Variants in RYR3 observed in about 807,000 individuals in gnomAD.
RYR3 encodes the protein ryanodine receptor 3, also known as brain ryanodine receptor-calcium release channel.
A neutral mutation model predicts 584.3 loss-of-function variants in RYR3; 207 were observed. That is an observed-to-expected ratio of 0.35 (90% CI 0.32 to 0.40). The LOEUF (loss-of-function observed/expected upper bound fraction) is 0.40, where lower values mean the gene tolerates loss of function less well. Ranked by LOEUF, RYR3 falls within the 10% of genes least tolerant of loss-of-function variation. The pLI, the probability that RYR3 is intolerant of heterozygous loss-of-function variation, is 1.00. For synonymous variants in RYR3, 2,416 were observed against 2,248.5 expected, an observed-to-expected ratio of 1.07 and a Z score of -2.11; for missense variants, 5,616 against 6,089.2, an observed-to-expected ratio of 0.92 and a Z score of 2.59.
intron 19 of RYR3, among the ~76,000 whole-genome samples, chr15:33,622,396 C>T (rs1197165722): frequency 1.3e-5 from 2 of 152,202 alleles, no homozygotes; most frequent in Admixed American, 6.5e-5. Context: ...TTTCTCCTTA[C>T]CCCTCAGAGT....
At chr15:33,502,555 G>C (rs1160683286) in intron 2 of RYR3, among the ~76,000 whole-genome samples, 1 of 152,194 alleles carries the variant, frequency 6.6e-6, no homozygotes, top group Non-Finnish European at 1.5e-5. Context: ...AAAATGGTGT[G>C]TCATTGAAAT....
Position 33,769,068 on chromosome 15 carries a change from G to A in RYR3, c.8756-44G>A, listed in dbSNP as rs374151027. On this transcript the variant is annotated intron_variant, in intron 61 of 103. Transcript: ENST00000634891. Reference sequence around the variant, plus strand: ...GGAGAAGACTGCATTTGAAAGACAGGCTGAGTGGTTTGAGGGAATCACAGA... The same window carrying A: ...GGAGAAGACTGCATTTGAAAGACAGACTGAGTGGTTTGAGGGAATCACAGA... 69 of 1,447,020 alleles carry A rather than the reference G, an allele frequency of 4.8e-5. No homozygotes were observed. In the Middle Eastern group the frequency reaches 8.7e-4, roughly 18 times the overall value. The allele number at this position is 1,447,020 out of a possible 1,614,324, so 89.6% of individuals were successfully genotyped here. A position where few individuals can be genotyped will look rare whatever the true frequency, so the allele number is the denominator to read the frequency against.
In RYR3 at chr15:33,865,235, C is replaced by CAAAG. The variant is rs3838863; in HGVS notation, c.*12_*15dup. ...AAGATCAGCTTGGATAAATCTGAAT[C>CAAAG]AAAGAAGCGCGACAATTCTGGACAG... On this transcript the variant is annotated 3_prime_UTR_variant, in exon 104 of 104. Transcript: ENST00000634891. 49,329 of 1,600,468 alleles carry CAAAG rather than the reference C, an allele frequency of 0.031. 2,527 individuals carry two copies. Among genetic ancestry groups the CAAAG allele is most frequent in the East Asian group, 0.25 (11,366 of 44,762 alleles).
chr15:33,346,910 C>G (rs1349872847), intron 1 of RYR3, among the ~76,000 whole-genome samples: 3 of 152,022 alleles, frequency 2.0e-5, no homozygotes, highest in South Asian at 4.1e-4. Flanking sequence ...CGAGACCAGC[C>G]TGGGCAACAT....
At chr15:33,854,662 AC>A in intron 97 of RYR3, 103 bp from the exon 98 acceptor site, 2 of 1,436,430 alleles carry the variant, frequency 1.4e-6, no homozygotes, top group East Asian at 4.6e-5. Flanking sequence ...CAGCACCTAA[AC>A]CCCCTCTATC....
intron 53 of RYR3, among the ~76,000 whole-genome samples, chr15:33,747,898 C>T (rs1026183082): frequency 2.6e-5 from 4 of 152,168 alleles, no homozygotes; most frequent in Non-Finnish European, 5.9e-5. Flanking sequence ...CACATTTCCT[C>T]CCAGGGCAGG....
At chr15:33,567,476 A>G (rs80056696) in intron 12 of RYR3, among the ~76,000 whole-genome samples, 3 of 152,292 alleles carry the variant, frequency 2.0e-5, no homozygotes, top group East Asian at 3.9e-4. Flanking sequence ...ATGAAATGGT[A>G]ACTTTTTTTC....
intron 8 of RYR3, 95 bp from the exon 9 acceptor site, chr15:33,548,035 C>A: frequency 2.4e-6 from 2 of 825,354 alleles, no homozygotes; most frequent in Non-Finnish European, 4.1e-6. Flanking sequence ...CTTAGACAAG[C>A]TCAGTACCTG....
chr15:33,723,068 G>C (rs910451127), intron 44 of RYR3, among the ~76,000 whole-genome samples, 173 bp downstream of exon 44: 1 of 152,256 alleles, frequency 6.6e-6, no homozygotes, highest in African/African-American at 2.4e-5. Flanking sequence ...AGTAAGGCTA[G>C]TGATCAGCAT....
chr15:33,860,571 T>C (rs762857952), intron 100 of RYR3, 24 bp from the exon 101 acceptor site: 1 of 1,501,782 alleles, frequency 6.7e-7, no homozygotes, highest in Non-Finnish European at 9.1e-7. Context: ...ACAGATTGCT[T>C]TGTCTTTGTA....
rs763711319 is a variant in RYR3 at position 33,853,541 on chromosome 15, A to G, written c.13672-14A>G. 1.6e-5 allele frequency: 26 copies of G among 1,612,676 alleles called. No homozygotes were observed. Among genetic ancestry groups the G allele is most frequent in the African/African-American group, 2.7e-5 (2 of 74,910 alleles). ...GCGTGTGGCCTGAGCTCACCCTGTC[A>G]TCCTTTGCTTCAGGTGATCAACAAG... is the stretch of plus-strand genomic sequence containing the variant. On this transcript the variant is annotated splice_polypyrimidine_tract_variant and intron_variant, in intron 95 of 103. Transcript: ENST00000634891.
intron 1 of RYR3, among the ~76,000 whole-genome samples, chr15:33,429,652 T>C (rs551494961): frequency 3.3e-5 from 5 of 152,212 alleles, no homozygotes; most frequent in Non-Finnish European, 5.9e-5. Flanking sequence ...CTCTTTATTA[T>C]CCCCTCCCAA....
chr15:33,469,678 T>C (rs1399938709), intron 1 of RYR3, among the ~76,000 whole-genome samples: 1 of 152,088 alleles, frequency 6.6e-6, no homozygotes, highest in African/African-American at 2.4e-5. Flanking sequence ...TTGAAGTGTT[T>C]GTAAGTCCGC....
At chr15:33,771,742 G>A (rs1169340963) in intron 62 of RYR3, among the ~76,000 whole-genome samples, 178 bp from the exon 63 acceptor site, 1 of 152,116 alleles carries the variant, frequency 6.6e-6, no homozygotes, top group Non-Finnish European at 1.5e-5. Flanking sequence ...AGCCCCTCTG[G>A]GATTGTGTGA....
At chr15:33,738,339 G>C in intron 49 of RYR3, 111 bp from the exon 50 acceptor site, 2 of 1,122,860 alleles carry the variant, frequency 1.8e-6, no homozygotes, top group Non-Finnish European at 2.5e-6. Flanking sequence ...TGTTTCGCAT[G>C]TTTCATTCTC....
chr15:33,400,527 T>G (rs1401499014), intron 1 of RYR3, among the ~76,000 whole-genome samples: 1 of 152,234 alleles, frequency 6.6e-6, no homozygotes, highest in Non-Finnish European at 1.5e-5. Flanking sequence ...TAGAGGTCTG[T>G]GAAAGCTGCA....
At chr15:33,533,641 G>C (rs889010805) in intron 5 of RYR3, among the ~76,000 whole-genome samples, 3 of 152,130 alleles carry the variant, frequency 2.0e-5, no homozygotes, top group Admixed American at 2.0e-4. Flanking sequence ...AATCTTTAAC[G>C]TTGTTAGGTA....
intron 43 of RYR3, among the ~76,000 whole-genome samples, chr15:33,707,812 G>A (rs996620168): frequency 9.2e-5 from 14 of 152,206 alleles, no homozygotes; most frequent in African/African-American, 3.4e-4. Flanking sequence ...ACACAATCAT[G>A]CCAGTTGTTC....
At chr15:33,851,944 G>T (rs775467584) in intron 94 of RYR3, 103 of 151,908 alleles carry the variant, frequency 6.8e-4, no homozygotes, top group Non-Finnish European at 1.1e-3. Context: ...TGTAACACCA[G>T]CATTTGTTTT....
Sources: allele counts gnomAD v4.1 joint callset (sites outside exome capture counted in the v4.1 genomes callset), GRCh38; gene constraint gnomAD v4.1.1; transcripts MANE v1.5; gene names NCBI Gene and HGNC (gene_info 2026-07-23, HGNC 2026-07-21).